Variants in CCDC171 observed in about 807,000 individuals in gnomAD.
The protein encoded by CCDC171 is coiled-coil domain containing 171.
Under a neutral mutation model 168.2 loss-of-function variants are expected in CCDC171, and 177 were observed. The observed-to-expected ratio is 1.05, with a 90% CI of 0.93 to 1.19. The LOEUF (loss-of-function observed/expected upper bound fraction) is 1.19. CCDC171 is among the 50% of genes most tolerant of loss of function. CCDC171 has a pLI of 0.00. For missense variants in CCDC171, 1,991 were observed against 1,539.0 expected (o/e 1.29, Z -4.91); for synonymous variants, 687 against 540.8 (o/e 1.27, Z -3.75).
At chr9:15,622,901 AAAAGG>A (rs2044617534) in intron 6 of CCDC171, among the ~76,000 whole-genome samples, 1 of 152,200 alleles carries the variant, frequency 6.6e-6, no homozygotes, top group Non-Finnish European at 1.5e-5. Context: ...TCTTATTATA[AAAAGG>A]GCAATATACA....
At chr9:15,724,291 T>A (rs536036163) in intron 13 of CCDC171, among the ~76,000 whole-genome samples, 4 of 152,320 alleles carry the variant, frequency 2.6e-5, no homozygotes, top group Admixed American at 2.6e-4. Flanking sequence ...TGTTGTTTCA[T>A]GTTGGGTTTG....
chr9:15,890,531 G>GTTTTTT (rs58256366), intron 24 of CCDC171, among the ~76,000 whole-genome samples: 8 of 144,644 alleles, frequency 5.5e-5, no homozygotes, highest in Non-Finnish European at 9.2e-5. Context: ...GATTGGTAAG[G>GTTTTTT]TTTTTTTTTT....
chr9:15,986,600 T>C (rs984020891), intron 3 of CCDC171, among the ~76,000 whole-genome samples: 1 of 152,202 alleles, frequency 6.6e-6, no homozygotes, highest in Admixed American at 6.5e-5. Context: ...AAACCCCAGA[T>C]TGCCCTAGAT....
chr9:15,747,711 A>G (rs781500308), intron 18 of CCDC171, among the ~76,000 whole-genome samples: 19 of 152,122 alleles, frequency 1.2e-4, no homozygotes, highest in Non-Finnish European at 2.5e-4. Flanking sequence ...AACATCAACA[A>G]AAAGGACATC....
intron 11 of CCDC171, among the ~76,000 whole-genome samples, chr9:15,703,609 GATATTTCAAT>G (rs1237813245): frequency 3.3e-5 from 5 of 152,132 alleles, no homozygotes; most frequent in African/African-American, 1.2e-4. Flanking sequence ...ATGGGTGAGT[GATATTTCAAT>G]GTGTATATAT....
At chr9:15,942,153 A>G (rs1827803763) in intron 25 of CCDC171, among the ~76,000 whole-genome samples, 1 of 151,932 alleles carries the variant, frequency 6.6e-6, no homozygotes, top group African/African-American at 2.4e-5. Context: ...TAGTTGACTA[A>G]TCCTATTCTA....
At chr9:15,661,196 C>T (rs758925625) in intron 8 of CCDC171, among the ~76,000 whole-genome samples, 2 of 149,846 alleles carry the variant, frequency 1.3e-5, no homozygotes, top group African/African-American at 2.5e-5. Context: ...AGGAGAATGG[C>T]GTGAACCAAG....
Position 15,647,360 on chromosome 9 carries a change from A to C in CCDC171, c.823-9767A>C, listed in dbSNP as rs542416497. Among the ~76,000 whole-genome samples, 10 of 152,314 alleles carry C rather than the reference A, an allele frequency of 6.6e-5. No homozygotes were observed. The South Asian group carries it at 1.2e-3, about 19-fold the overall frequency. ...AAAAGAATTACAGAAGCAAGAGCAA[A>C]CACATTCAAAAGCTAGCAGAAGGCA... On this transcript the variant is annotated intron_variant, in intron 7 of 25. Transcript: ENST00000380701.
intron 18 of CCDC171, among the ~76,000 whole-genome samples, chr9:15,758,803 C>G (rs916651795): frequency 6.6e-5 from 10 of 152,110 alleles, no homozygotes; most frequent in Admixed American, 2.0e-4. Flanking sequence ...TAAGGGGAAG[C>G]CTGTTTTGCT....
chr9:15,685,584 A>G (rs1409464016), intron 10 of CCDC171, among the ~76,000 whole-genome samples: 2 of 152,160 alleles, frequency 1.3e-5, no homozygotes, highest in Non-Finnish European at 2.9e-5. Flanking sequence ...GCAGTGAGCC[A>G]TGATTACACC....
intron 23 of CCDC171, among the ~76,000 whole-genome samples, chr9:15,867,310 T>C (rs914807725): frequency 6.6e-6 from 1 of 152,036 alleles, no homozygotes; most frequent in East Asian, 1.9e-4. Context: ...TATATAGTTA[T>C]TTTTGATTTT....
chr9:15,635,960 C>G (rs1280557475), intron 7 of CCDC171, among the ~76,000 whole-genome samples: 1 of 152,094 alleles, frequency 6.6e-6, no homozygotes, highest in Non-Finnish European at 1.5e-5. Flanking sequence ...GTTATTGTCA[C>G]TCTTTTATAT....
At chr9:15,999,690 A>G (rs1832483569) in intron 3 of CCDC171, among the ~76,000 whole-genome samples, 1 of 152,150 alleles carries the variant, frequency 6.6e-6, no homozygotes, top group Admixed American at 6.5e-5. Context: ...CTCCATCTGG[A>G]CACTTCATGC....
chr9:15,603,089 C>T (rs968488163), intron 6 of CCDC171, among the ~76,000 whole-genome samples: 4 of 152,168 alleles, frequency 2.6e-5, no homozygotes, highest in South Asian at 2.1e-4. Context: ...TCATGCTATT[C>T]TCCTGCCTCA....
At chr9:15,691,544 TTTTATATATATA>T (rs1433976589) in intron 10 of CCDC171, among the ~76,000 whole-genome samples, 22 of 87,790 alleles carry the variant, frequency 2.5e-4, no homozygotes, top group Non-Finnish European at 1.4e-4. Context: ...AATATATGTT[TTTTATATATATA>T]TATATATATA....
At chr9:15,585,697 T>C (rs1255379854) in intron 4 of CCDC171, among the ~76,000 whole-genome samples, 2 of 152,128 alleles carry the variant, frequency 1.3e-5, no homozygotes, top group Admixed American at 6.6e-5. Flanking sequence ...TCATAAAATC[T>C]CTTTGAACAT....
chr9:16,013,526 C>G (rs1832931409), intron 3 of CCDC171, among the ~76,000 whole-genome samples: 1 of 152,216 alleles, frequency 6.6e-6, no homozygotes, highest in Non-Finnish European at 1.5e-5. Flanking sequence ...GTAGCATGCG[C>G]TCTTGGGACA....
chr9:16,071,723 G>A, the CCDC171 span, among the ~76,000 whole-genome samples: 1 of 152,084 alleles, frequency 6.6e-6, no homozygotes, highest in Non-Finnish European at 1.5e-5. Context: ...TCTTCTCTTT[G>A]TCTGGCCCCC....
At chr9:16,005,836 T>A (rs1485380929) in intron 3 of CCDC171, among the ~76,000 whole-genome samples, 1 of 152,172 alleles carries the variant, frequency 6.6e-6, no homozygotes, top group Non-Finnish European at 1.5e-5. Flanking sequence ...TATCAAGGGA[T>A]AACTGTGTAT....
Sources: gnomAD v4.1 joint callset for allele counts (sites outside exome capture counted in the v4.1 genomes callset) on GRCh38, gnomAD v4.1.1 for gene constraint, MANE v1.5 for transcripts, NCBI Gene and HGNC (gene_info 2026-07-23, HGNC 2026-07-21) for gene names.